Variants in TMC2 observed in about 807,000 individuals in gnomAD.
TMC2 encodes the protein transmembrane channel-like protein 2.
In TMC2, 102 loss-of-function variants were observed where a neutral mutation model predicts 105.9. That is an observed-to-expected ratio of 0.96 (90% CI 0.82 to 1.14). The LOEUF is 1.14. Among genes scored for constraint, TMC2 ranks in the 50% most tolerant of loss-of-function variants. The probability of loss-of-function intolerance (pLI) is 0.00; values close to 1 mark genes in which losing one functional copy is unlikely to be tolerated. For synonymous variants in TMC2, 402 were observed against 422.8 expected (o/e 0.95, Z 0.60); for missense variants, 1,093 against 1,134.3 (o/e 0.96, Z 0.52).
chr20:2,566,545 T>C (rs2086065773), intron 4 of TMC2, among the ~76,000 whole-genome samples: 1 of 152,220 alleles, frequency 6.6e-6, no homozygotes, highest in Non-Finnish European at 1.5e-5. Flanking sequence ...CCTGATATCT[T>C]AGAAAACTAC....
chr20:2,614,180 T>C (rs1168326904), intron 14 of TMC2, among the ~76,000 whole-genome samples: 1 of 152,192 alleles, frequency 6.6e-6, no homozygotes, highest in Admixed American at 6.5e-5. Context: ...GATGACATCT[T>C]TGATAGAAAG....
chr20:2,567,416 C>T (rs1001637515), intron 4 of TMC2, among the ~76,000 whole-genome samples: 3 of 152,028 alleles, frequency 2.0e-5, no homozygotes, highest in Non-Finnish European at 2.9e-5. Context: ...TTATAATATC[C>T]AAAAGTCCAG....
intron 7 of TMC2, among the ~76,000 whole-genome samples, chr20:2,587,396 A>G (rs1326731266): frequency 6.6e-6 from 1 of 152,086 alleles, no homozygotes; most frequent in African/African-American, 2.4e-5. Context: ...TTTATATATC[A>G]TCTGATTTTG....
At chr20:2,603,767 G>A (rs932759901) in intron 11 of TMC2, among the ~76,000 whole-genome samples, 1 of 152,180 alleles carries the variant, frequency 6.6e-6, no homozygotes, top group African/African-American at 2.4e-5. Flanking sequence ...TCAGTGCCAA[G>A]TCTTATGCTC....
intron 10 of TMC2, 142 bp from the exon 11 acceptor site, chr20:2,601,971 A>G: frequency 2.1e-6 from 1 of 487,552 alleles, no homozygotes; most frequent in Admixed American, 4.0e-5. Context: ...ATAATTATCC[A>G]TAGGGCACAG....
intron 2 of TMC2, among the ~76,000 whole-genome samples, chr20:2,541,634 CTG>C (rs2085890374): frequency 6.8e-6 from 1 of 146,876 alleles, no homozygotes; most frequent in African/African-American, 2.5e-5. Context: ...GAGCAAGACT[CTG>C]TCTCAAAACC....
chr20:2,576,573 G>C (rs1267705657), intron 5 of TMC2, among the ~76,000 whole-genome samples: 1 of 152,100 alleles, frequency 6.6e-6, no homozygotes, highest in Non-Finnish European at 1.5e-5. Flanking sequence ...ACCCTGACAG[G>C]GGATCCATCT....
intron 7 of TMC2, among the ~76,000 whole-genome samples, chr20:2,591,272 G>A (rs187764771): frequency 3.0e-4 from 45 of 152,094 alleles, no homozygotes; most frequent in Admixed American, 1.6e-3. Flanking sequence ...ACCTTATGAC[G>A]TAGGAAACTG....
At position 2,635,965 on chromosome 20, in the gene TMC2, T is replaced by C. The variant is rs764910974; in HGVS notation, c.2346T>C (p.Leu782=). The C allele has an allele frequency of 1.9e-6, 3 of 1,614,162 alleles. No homozygotes were observed. The highest frequency in any genetic ancestry group is 1.1e-5 in the South Asian group (1 of 91,086). ...IYYLNSVSKS[L]SRANAQLRKK... ...ACCTGAACTCAGTTTCCAAAAGCCTTTCCCGAGCTAATGCCCAGCTGAGGA... is the reference window on the plus strand; with the variant it reads ...ACCTGAACTCAGTTTCCAAAAGCCTCTCCCGAGCTAATGCCCAGCTGAGGA... The change falls in exon 18 of 20, where the codon CTT becomes CTC. Residue 782 remains leucine (L), a synonymous_variant. Transcript: ENST00000358864.
intron 2 of TMC2, among the ~76,000 whole-genome samples, chr20:2,547,998 T>G (rs574325254): frequency 1.3e-5 from 2 of 152,356 alleles, no homozygotes; most frequent in Non-Finnish European, 2.9e-5. Flanking sequence ...TTTTATTACT[T>G]TGCATGCAAA....
rs144909750 is a variant in TMC2, at chr20:2,579,190, A to G, written c.690A>G (p.Gln230=). The change falls in exon 6 of 20, where the codon CAA becomes CAG. Residue 230 remains glutamine (Q), a synonymous_variant. Coordinates refer to ENST00000358864, the MANE Select transcript of TMC2 (RefSeq NM_080751.3). ...FKRDFDNFKT[Q]CIPWEMKIKD... is the part of the protein sequence containing the mutation. ...GAGACTTTGATAATTTCAAGACTCAATGTATCCCCTGGGAAATGAAGATCA... is the reference window on the plus strand; with the variant it reads ...GAGACTTTGATAATTTCAAGACTCAGTGTATCCCCTGGGAAATGAAGATCA... 466 of 1,603,858 alleles carry G rather than the reference A, an allele frequency of 2.9e-4. 2 individuals carry two copies. The African/African-American group carries it at 5.4e-3, about 19-fold the overall frequency.
At position 2,612,351 on chromosome 20, in the gene TMC2, A is replaced by C. The variant is rs188047811; in HGVS notation, c.1743+11A>C. ...ACAGCTGTGGGCATTGTGAGTAGTT[A>C]CACTCTCTAAAAAGGTGACCCCTGT... On this transcript the variant is annotated intron_variant, in intron 13 of 19. Transcript: ENST00000358864. 2.6e-6 allele frequency: 4 copies of C among 1,552,676 alleles called. No homozygotes were observed. The African/African-American group carries it at 4.1e-5, about 16-fold the overall frequency.
intron 16 of TMC2, among the ~76,000 whole-genome samples, chr20:2,618,828 A>G (rs1048140718): frequency 5.9e-5 from 9 of 152,024 alleles, no homozygotes; most frequent in African/African-American, 1.7e-4. Flanking sequence ...CTCAATGCAC[A>G]CTCCTTTGTT....
intron 18 of TMC2, among the ~76,000 whole-genome samples, chr20:2,636,989 C>T (rs6083911): frequency 0.43 from 65,778 of 152,070 alleles, 15,935 homozygotes; most frequent in East Asian, 0.55. Flanking sequence ...GATCGCTGTC[C>T]TCTGGCCACA....
rs557856385 is a variant in TMC2 at position 2,615,247 on chromosome 20, G to A, written c.1873-890G>A. On this transcript the variant is annotated intron_variant, in intron 14 of 19. Transcript: ENST00000358864. ...TGAGGCAGGAGAATCACTTGAACCAGGAGGCAGAGGTTGCAGTGAGCTGAG... is the reference window on the plus strand; with the variant it reads ...TGAGGCAGGAGAATCACTTGAACCAAGAGGCAGAGGTTGCAGTGAGCTGAG... Among the ~76,000 whole-genome samples the A allele has an allele frequency of 3.3e-5, 5 of 152,314 alleles. No homozygotes were observed. In the East Asian group the frequency reaches 9.6e-4, roughly 29 times the overall value.
In TMC2 at chr20:2,627,964, T is replaced by C. The variant is rs142553960; in HGVS notation, c.2306+3568T>C. Among the ~76,000 whole-genome samples, 1,149 of 152,122 alleles carry C rather than the reference T, an allele frequency of 7.6e-3. 21 individuals carry two copies. The highest frequency in any genetic ancestry group is 0.027 in the African/African-American group (1,105 of 41,490). On this transcript the variant is annotated intron_variant, in intron 17 of 19. Coordinates refer to ENST00000358864, the MANE Select transcript of TMC2 (RefSeq NM_080751.3). ...GGGCAGATCACCTGAGGTCAGGAGT[T>C]TGAGACCAGCCTGGCCGGCATGGTG...
chr20:2,613,150 G>C, intron 13 of TMC2, 44 bp from the exon 14 acceptor site: 1 of 1,589,892 alleles, frequency 6.3e-7, no homozygotes, highest in Non-Finnish European at 8.6e-7. Context: ...TGGGAGAAGT[G>C]GGCAAGGTCT....
At chr20:2,551,425 A>T (rs868370035) in intron 2 of TMC2, among the ~76,000 whole-genome samples, 3 of 150,482 alleles carry the variant, frequency 2.0e-5, no homozygotes, top group Non-Finnish European at 3.0e-5. Context: ...TTCTCTTCAC[A>T]GTGTCTTTTG....
chr20:2,574,418 G>A (rs527505397), intron 5 of TMC2, among the ~76,000 whole-genome samples: 14 of 152,278 alleles, frequency 9.2e-5, no homozygotes, highest in East Asian at 5.8e-4. Context: ...AATGAATAGC[G>A]TTACCTCCTC....
Sources: gnomAD v4.1 joint callset for allele counts (sites outside exome capture counted in the v4.1 genomes callset) on GRCh38, gnomAD v4.1.1 for gene constraint, MANE v1.5 for transcripts, NCBI Gene and HGNC (gene_info 2026-07-23, HGNC 2026-07-21) for gene names.